Variants in IFITM10 observed in about 807,000 individuals in gnomAD.
IFITM10 encodes the protein interferon induced transmembrane protein 10.
In IFITM10, 17 loss-of-function variants were observed where a neutral mutation model predicts 19.0. That is an observed-to-expected ratio of 0.90 (90% CI 0.61 to 1.34). IFITM10 has a LOEUF of 1.34. IFITM10 is among the 40% of genes most tolerant of loss of function. IFITM10 has a pLI of 0.00. For synonymous variants in IFITM10, 148 were observed against 147.2 expected (o/e 1.01, Z -0.04); for missense variants, 306 against 319.8 (o/e 0.96, Z 0.33).
chr11:1,735,578 A>G, intron 2 of IFITM10, 149 bp from the exon 3 acceptor site: 3 of 775,028 alleles, frequency 3.9e-6, no homozygotes, highest in Non-Finnish European at 6.0e-6. Flanking sequence ...ATGGTTCTAG[A>G]GGAACATGTC....
intron 2 of IFITM10, among the ~76,000 whole-genome samples, chr11:1,741,373 G>A (rs1232491783): frequency 6.6e-6 from 1 of 151,738 alleles, no homozygotes; most frequent in Non-Finnish European, 1.5e-5. Context: ...ACAAGCAGAG[G>A]TGGGACATAG....
At chr11:1,739,184 C>T (rs963922436) in intron 2 of IFITM10, among the ~76,000 whole-genome samples, 1 of 151,580 alleles carries the variant, frequency 6.6e-6, no homozygotes, top group African/African-American at 2.4e-5. Context: ...TTTCTGAATG[C>T]ACGCTGGATG....
chr11:1,735,191 C>T lies in IFITM10; in HGVS notation c.*89G>A. 3 of 1,438,562 alleles carry T rather than the reference C, an allele frequency of 2.1e-6. No individual in the cohort carries two copies. The highest frequency in any genetic ancestry group is 1.9e-6 in the Non-Finnish European group (2 of 1,062,458). The allele number at this position is 1,438,562 out of a possible 1,614,324, so 89.1% of individuals were successfully genotyped here. A position where few individuals can be genotyped will look rare whatever the true frequency, so the allele number is the denominator to read the frequency against. On this transcript the variant is annotated 3_prime_UTR_variant, in exon 3 of 3. Coordinates refer to ENST00000340134, the MANE Select transcript of IFITM10 (RefSeq NM_001170820.4). ...CCCAGGACAAGAAGCCCTGCCCTGC[C>T]CCAACCTCATGGGATCCTGCGTTTC...
At chr11:1,748,345 T>C in intron 1 of IFITM10, 1 of 410,528 alleles carries the variant, frequency 2.4e-6, no homozygotes, top group East Asian at 3.6e-5. Context: ...CTTTCATCAC[T>C]TCGCCATCTG....
chr11:1,741,713 A>T (rs1845572110), intron 2 of IFITM10, among the ~76,000 whole-genome samples: 1 of 152,140 alleles, frequency 6.6e-6, no homozygotes, highest in Admixed American at 6.5e-5. Context: ...AACAGGGGAG[A>T]GGAAACACAA....
intron 2 of IFITM10, chr11:1,745,286 G>A (rs1299529195): frequency 1.3e-5 from 2 of 152,392 alleles, no homozygotes; most frequent in Non-Finnish European, 2.9e-5. Context: ...TTCCGGACGG[G>A]AGCCCAGGCA....
Position 1,749,996 on chromosome 11 carries a change from C to T in IFITM10, c.84+363G>A, listed in dbSNP as rs117626062. Among the ~76,000 whole-genome samples, 273 of 152,234 alleles carry T rather than the reference C, an allele frequency of 1.8e-3. 2 individuals are homozygous for T. The highest frequency in any genetic ancestry group is 6.3e-3 in the African/African-American group (262 of 41,506). On this transcript the variant is annotated intron_variant, in intron 1 of 2. Coordinates refer to ENST00000340134, the MANE Select transcript of IFITM10 (RefSeq NM_001170820.4). ...GCTCGCAGGGCAAAGTGTCCCGTTC[C>T]GAGCTCTGGTCCTGTGCTGAGGTCC...
chr11:1,750,502 C>G lies in IFITM10; in HGVS notation c.-60G>C. On this transcript the variant is annotated 5_prime_UTR_variant, in exon 1 of 3. Coordinates refer to ENST00000340134, the MANE Select transcript of IFITM10 (RefSeq NM_001170820.4). ...TTCTCCTCTGCCACTCTCAACTGGC[C>G]TCCTGTGTCTCCGCAACCCTCTTTC... 1 of 1,544,872 alleles carries G rather than the reference C, an allele frequency of 6.5e-7. No homozygotes were observed. Among genetic ancestry groups the G allele is most frequent in the Non-Finnish European group, 8.7e-7 (1 of 1,143,160 alleles).
rs1845671803 is a variant in IFITM10, at chr11:1,748,078, C to A, written c.126G>T (p.Pro42=). 2.8e-6 allele frequency: 4 copies of A among 1,412,642 alleles called. No homozygotes were observed. Among genetic ancestry groups the A allele is most frequent in the Non-Finnish European group, 3.7e-6 (4 of 1,090,402 alleles). The allele number at this position is 1,412,642 out of a possible 1,614,324, so 87.5% of individuals were successfully genotyped here. ...PGQCPAPLGD[P]ASTTDGAQEA... is the part of the protein sequence containing the mutation. The stretch of plus-strand genomic sequence containing the variant: ...CCTGGGCGCCGTCCGTGGTGCTGGC[C>A]GGGTCTCCCAGCGGGGCTGGGCACT... The change falls in exon 2 of 3, where the codon CCG becomes CCT. Residue 42 remains proline, a synonymous_variant. Transcript: ENST00000340134.
intron 1 of IFITM10, chr11:1,748,391 A>AC (rs1191894534): frequency 1.3e-5 from 5 of 384,746 alleles, no homozygotes; most frequent in South Asian, 1.4e-4. Context: ...ACACAACAGC[A>AC]CCCCCCGCCC....
chr11:1,738,815 C>T (rs1385806845), intron 2 of IFITM10, among the ~76,000 whole-genome samples: 1 of 152,046 alleles, frequency 6.6e-6, no homozygotes, highest in Non-Finnish European at 1.5e-5. Flanking sequence ...AATCCCAGCA[C>T]TTTGGGAGGC....
intron 2 of IFITM10, among the ~76,000 whole-genome samples, chr11:1,740,583 T>C (rs1279195951): frequency 2.6e-5 from 4 of 152,186 alleles, no homozygotes; most frequent in South Asian, 4.1e-4. Context: ...GGAAGACTCG[T>C]TTAGCAGTTC....
chr11:1,733,905 G>C lies in IFITM10; in HGVS notation c.*1375C>G, dbSNP rs1276906043. The C allele has an allele frequency of 6.6e-6, 1 of 152,346 alleles. No homozygotes were observed. Among genetic ancestry groups the C allele is most frequent in the African/African-American group, 2.4e-5 (1 of 41,402 alleles). 9.4% of individuals were successfully genotyped at this position (152,346 alleles called of 1,614,324 possible). On this transcript the variant is annotated 3_prime_UTR_variant, in exon 3 of 3. Transcript: ENST00000340134. The surrounding 1 kb of genome is among the most constrained non-coding windows in gnomAD (Gnocchi z 6.3). ...TGTCCACTGGACTCCCCTCCAAGCT[G>C]GCCTCGCTACCCCAGAGGGCACGAG...
intron 2 of IFITM10, among the ~76,000 whole-genome samples, chr11:1,739,490 G>A (rs1326685821): frequency 1.3e-5 from 2 of 152,226 alleles, no homozygotes; most frequent in Non-Finnish European, 2.9e-5. Context: ...CAGAGTCTCT[G>A]TCCTCACGCA....
intron 2 of IFITM10, among the ~76,000 whole-genome samples, chr11:1,741,302 C>T (rs887157884): frequency 3.3e-5 from 5 of 151,486 alleles, no homozygotes; most frequent in Non-Finnish European, 7.4e-5. Flanking sequence ...GAAGAGTGGG[C>T]CAAGAAGCAG....
At chr11:1,735,549 G>C in intron 2 of IFITM10, 120 bp from the exon 3 acceptor site, 2 of 880,662 alleles carry the variant, frequency 2.3e-6, no homozygotes, top group South Asian at 3.7e-5. Flanking sequence ...CTTTGTTTCC[G>C]AGAGCTGACG....
chr11:1,742,700 A>C (rs544569171), intron 2 of IFITM10, among the ~76,000 whole-genome samples: 7 of 152,304 alleles, frequency 4.6e-5, no homozygotes, highest in African/African-American at 1.7e-4. Context: ...TGAATAGTTT[A>C]GTGGGTTGAT....
chr11:1,737,008 G>A (rs924229503), intron 2 of IFITM10, among the ~76,000 whole-genome samples: 5 of 152,212 alleles, frequency 3.3e-5, no homozygotes, highest in African/African-American at 1.2e-4. Flanking sequence ...GGGTAAGGAA[G>A]GAGGCAGGAA....
intron 2 of IFITM10, among the ~76,000 whole-genome samples, chr11:1,742,293 G>A (rs1216605781): frequency 6.6e-6 from 1 of 152,138 alleles, no homozygotes; most frequent in Non-Finnish European, 1.5e-5. Flanking sequence ...GCGGATGGTA[G>A]AAAGAATGAA....
Sources: allele counts gnomAD v4.1 joint callset (sites outside exome capture counted in the v4.1 genomes callset), GRCh38; gene constraint gnomAD v4.1.1; non-coding constraint Gnocchi (gnomAD v3.1); transcripts MANE v1.5; gene names NCBI Gene and HGNC (gene_info 2026-07-23, HGNC 2026-07-21).